The following PABPC1L2B variants were observed in gnomAD, a reference collection of about 807,000 sequenced individuals.
The protein encoded by PABPC1L2B is poly(A) binding protein cytoplasmic 1 like 2B, also known as polyadenylate-binding protein 1-like 2.
For synonymous variants in PABPC1L2B, 7 were observed against 7.1 expected, an observed-to-expected ratio of 0.99 and a Z score of 0.02; for missense variants, 5 against 16.4, an observed-to-expected ratio of 0.30 and a Z score of 1.20.
chrX:73,005,273 GTGCGTGCGTGTGTGCA>G lies in PABPC1L2B; in HGVS notation c.*1035_*1050del, dbSNP rs1182860035. 3.3e-5 allele frequency: 4 copies of G among 122,062 alleles called. No individual in the cohort carries two copies. Among genetic ancestry groups the G allele is most frequent in the African/African-American group, 1.3e-4 (4 of 30,342 alleles). The allele number at this position is 122,062 out of a possible 1,213,427, so 10.1% of individuals were successfully genotyped here. ...TCACTGTAATTGATCGTGTGTGTGCGTGCGTGCGTGTGTGCATGCGTGTGTGTGTCTTTGTGTGTGT... is the reference window on the plus strand; with the variant it reads ...TCACTGTAATTGATCGTGTGTGTGCGTGCGTGTGTGTGTCTTTGTGTGTGT... On this transcript the variant is annotated 3_prime_UTR_variant, in exon 1 of 1. Transcript: ENST00000373521.
chrX:73,003,614 G>A lies in PABPC1L2B; in HGVS notation c.-29G>A, dbSNP rs1556364109. 9.7e-6 allele frequency: 3 copies of A among 309,373 alleles called. No individual in the cohort carries two copies. Among genetic ancestry groups the A allele is most frequent in the Non-Finnish European group, 9.0e-6 (2 of 221,166 alleles). 25.5% of individuals were successfully genotyped at this position (309,373 alleles called of 1,213,427 possible). On this transcript the variant is annotated 5_prime_UTR_variant, in exon 1 of 1. It adds an upstream start codon to the 5' untranslated region. Coordinates refer to ENST00000373521, the MANE Select transcript of PABPC1L2B (RefSeq NM_001042506.2). ...GATGCAGATGCGGATGAGACCCTCG[G>A]TGACTGTGAGGGGAACCCAGATTTT...
rs1371767669 is a variant in PABPC1L2B at position 73,005,972 on chromosome X, C to G, written c.*1727C>G. ...AAAGATATGGGAGGTTTAAAATCTT[C>G]TTTTTCCCTTCTTTAGTAAGTGACC... On this transcript the variant is annotated 3_prime_UTR_variant, in exon 1 of 1. Coordinates refer to ENST00000373521, the MANE Select transcript of PABPC1L2B (RefSeq NM_001042506.2). Among the ~76,000 whole-genome samples, 1 of 111,572 alleles carries G rather than the reference C, an allele frequency of 9.0e-6. No homozygotes were observed. Among genetic ancestry groups the G allele is most frequent in the Non-Finnish European group, 1.9e-5 (1 of 53,111 alleles).
rs2055185802 is a variant in PABPC1L2B at position 73,005,802 on chromosome X, A to T, written c.*1557A>T. On this transcript the variant is annotated 3_prime_UTR_variant, in exon 1 of 1. Coordinates refer to ENST00000373521, the MANE Select transcript of PABPC1L2B (RefSeq NM_001042506.2). The stretch of plus-strand genomic sequence containing the variant: ...ATATTAGATATAGATATAGGGATAT[A>T]TTTGTTTTAAGTAGTTATTGGACGT... 8.2e-6 allele frequency: 1 copy of T among 121,293 alleles called. No individual in the cohort carries two copies. The highest frequency in any genetic ancestry group is 4.1e-3 in the Middle Eastern group (1 of 241). 10.0% of individuals were successfully genotyped at this position (121,293 alleles called of 1,213,427 possible). A position where few individuals can be genotyped will look rare whatever the true frequency, so the allele number is the denominator to read the frequency against.
Position 73,003,514 on chromosome X carries a change from G to C in PABPC1L2B, c.-129G>C. Reference sequence around the variant, plus strand: ...CTTGGGGGAGGCGGAGGCGGATGCGGATGCGGATGCGGATGCGAATGCGAA... The same window carrying C: ...CTTGGGGGAGGCGGAGGCGGATGCGCATGCGGATGCGGATGCGAATGCGAA... On this transcript the variant is annotated 5_prime_UTR_variant, in exon 1 of 1. Coordinates refer to ENST00000373521, the MANE Select transcript of PABPC1L2B (RefSeq NM_001042506.2). The C allele has an allele frequency of 1.3e-6, 1 of 785,814 alleles. No individual in the cohort carries two copies. The highest frequency in any genetic ancestry group is 1.6e-6 in the Non-Finnish European group (1 of 629,804). The allele number at this position is 785,814 out of a possible 1,213,427, so 64.8% of individuals were successfully genotyped here.
rs1304295888 is a variant in PABPC1L2B at position 73,005,839 on chromosome X, C to A, written c.*1594C>A. On this transcript the variant is annotated 3_prime_UTR_variant, in exon 1 of 1. Coordinates refer to ENST00000373521, the MANE Select transcript of PABPC1L2B (RefSeq NM_001042506.2). The stretch of plus-strand genomic sequence containing the variant: ...TAGTTATTGGACGTCTGGGTTGTTT[C>A]ATTTTGTTTTCTTATGCAAGCCAAA... 1 of 118,458 alleles carries A rather than the reference C, an allele frequency of 8.4e-6. No individual in the cohort carries two copies. The highest frequency in any genetic ancestry group is 1.9e-5 in the Non-Finnish European group (1 of 53,183). The allele number at this position is 118,458 out of a possible 1,213,427, so 9.8% of individuals were successfully genotyped here. A position where few individuals can be genotyped will look rare whatever the true frequency, so the allele number is the denominator to read the frequency against.
chrX:73,006,080 C>G lies in PABPC1L2B; in HGVS notation c.*1835C>G, dbSNP rs1202715580. ...CTGGATACCTGTACAGTTTTTGAGA[C>G]TTGGTATTAAATTATTTATAATTTG... On this transcript the variant is annotated 3_prime_UTR_variant, in exon 1 of 1. Coordinates refer to ENST00000373521, the MANE Select transcript of PABPC1L2B (RefSeq NM_001042506.2). Among the ~76,000 whole-genome samples, 1 of 111,414 alleles carries G rather than the reference C, an allele frequency of 9.0e-6. No individual in the cohort carries two copies. Among genetic ancestry groups the G allele is most frequent in the African/African-American group, 3.3e-5 (1 of 30,703 alleles).
chrX:73,005,936 T>A lies in PABPC1L2B; in HGVS notation c.*1691T>A, dbSNP rs2055186330. Among the ~76,000 whole-genome samples, 1 of 111,920 alleles carries A rather than the reference T, an allele frequency of 8.9e-6. No homozygotes were observed. Among genetic ancestry groups the A allele is most frequent in the African/African-American group, 3.2e-5 (1 of 30,851 alleles). On this transcript the variant is annotated 3_prime_UTR_variant, in exon 1 of 1. Coordinates refer to ENST00000373521, the MANE Select transcript of PABPC1L2B (RefSeq NM_001042506.2). Reference sequence around the variant, plus strand: ...TCCTGAACAAAAGTTAATAGTATAATTGAAGGATGAAAAGATATGGGAGGT... The same window carrying A: ...TCCTGAACAAAAGTTAATAGTATAAATGAAGGATGAAAAGATATGGGAGGT...
rs1174546766 is a variant in PABPC1L2B, at chrX:73,006,015, C to A, written c.*1770C>A. Among the ~76,000 whole-genome samples the A allele has an allele frequency of 9.0e-6, 1 of 111,374 alleles. No individual in the cohort carries two copies. Among genetic ancestry groups the A allele is most frequent in the African/African-American group, 3.3e-5 (1 of 30,691 alleles). On this transcript the variant is annotated 3_prime_UTR_variant, in exon 1 of 1. Coordinates refer to ENST00000373521, the MANE Select transcript of PABPC1L2B (RefSeq NM_001042506.2). ...AAGTGACCATTGATAAAGATAGTAC[C>A]AATTTACCCTCATAAAATATGCAGA...
At position 73,005,577 on chromosome X, in the gene PABPC1L2B, T is replaced by A. The variant is rs997940325; in HGVS notation, c.*1332T>A. On this transcript the variant is annotated 3_prime_UTR_variant, in exon 1 of 1. Transcript: ENST00000373521. Reference sequence around the variant, plus strand: ...CATTTTCATCTGTATCTGCCCTGTATTTTTCATGTGATATATATGTGAAAT... The same window carrying A: ...CATTTTCATCTGTATCTGCCCTGTAATTTTCATGTGATATATATGTGAAAT... 8 of 123,298 alleles carry A rather than the reference T, an allele frequency of 6.5e-5. No individual in the cohort carries two copies. Among genetic ancestry groups the A allele is most frequent in the African/African-American group, 2.6e-4 (8 of 30,797 alleles). The allele number at this position is 123,298 out of a possible 1,213,427, so 10.2% of individuals were successfully genotyped here.
rs1556364762 is a variant in PABPC1L2B at position 73,005,977 on chromosome X, T to A, written c.*1732T>A. On this transcript the variant is annotated 3_prime_UTR_variant, in exon 1 of 1. Transcript: ENST00000373521. ...TATGGGAGGTTTAAAATCTTCTTTT[T>A]CCCTTCTTTAGTAAGTGACCATTGA... 1.8e-5 allele frequency among the ~76,000 whole-genome samples: 2 copies of A among 111,726 alleles called. No homozygotes were observed.
At position 73,003,532 on chromosome X, in the gene PABPC1L2B, A is replaced by ATGCGAAGGTGGCGGCCGAGGATGCGG. The variant is rs1556364082; in HGVS notation, c.-111_-110insTGCGAAGGTGGCGGCCGAGGATGCGG. ...GGATGCGGATGCGGATGCGGATGCG[A>ATGCGAAGGTGGCGGCCGAGGATGCGG]ATGCGAAGGTGGCGGCCGAGGTGGC... On this transcript the variant is annotated 5_prime_UTR_variant, in exon 1 of 1. In the 5' UTR this introduces an upstream ATG that the reference lacks. Coordinates refer to ENST00000373521, the MANE Select transcript of PABPC1L2B (RefSeq NM_001042506.2). 1.3e-6 allele frequency: 1 copy of ATGCGAAGGTGGCGGCCGAGGATGCGG among 782,131 alleles called. No homozygotes were observed. The highest frequency in any genetic ancestry group is 1.6e-6 in the Non-Finnish European group (1 of 628,386). The allele number at this position is 782,131 out of a possible 1,213,427, so 64.5% of individuals were successfully genotyped here.
chrX:73,005,763 A>G lies in PABPC1L2B; in HGVS notation c.*1518A>G, dbSNP rs192662485. The G allele has an allele frequency of 8.2e-6, 1 of 122,117 alleles. No individual in the cohort carries two copies. The highest frequency in any genetic ancestry group is 2.8e-4 in the East Asian group (1 of 3,562). The allele number at this position is 122,117 out of a possible 1,213,427, so 10.1% of individuals were successfully genotyped here. A position where few individuals can be genotyped will look rare whatever the true frequency, so the allele number is the denominator to read the frequency against. ...ATATGTGATTGGGCTTCATAGAGTGATAGATATATATACATATTAGATATA... is the reference window on the plus strand; with the variant it reads ...ATATGTGATTGGGCTTCATAGAGTGGTAGATATATATACATATTAGATATA... On this transcript the variant is annotated 3_prime_UTR_variant, in exon 1 of 1. Transcript: ENST00000373521.
rs1556364729 is a variant in PABPC1L2B at position 73,005,831 on chromosome X, G to A, written c.*1586G>A. On this transcript the variant is annotated 3_prime_UTR_variant, in exon 1 of 1. Coordinates refer to ENST00000373521, the MANE Select transcript of PABPC1L2B (RefSeq NM_001042506.2). ...GTTTTAAGTAGTTATTGGACGTCTG[G>A]GTTGTTTCATTTTGTTTTCTTATGC... 8.4e-6 allele frequency: 1 copy of A among 118,739 alleles called. No homozygotes were observed. Among genetic ancestry groups the A allele is most frequent in the African/African-American group, 3.3e-5 (1 of 30,718 alleles). The allele number at this position is 118,739 out of a possible 1,213,427, so 9.8% of individuals were successfully genotyped here.
In PABPC1L2B at chrX:73,006,069, A is replaced by G. The variant is rs1458725268; in HGVS notation, c.*1824A>G. On this transcript the variant is annotated 3_prime_UTR_variant, in exon 1 of 1. Transcript: ENST00000373521. Reference sequence around the variant, plus strand: ...TGTGAGTGTACCTGGATACCTGTACAGTTTTTGAGACTTGGTATTAAATTA... The same window carrying G: ...TGTGAGTGTACCTGGATACCTGTACGGTTTTTGAGACTTGGTATTAAATTA... 8.9e-6 allele frequency among the ~76,000 whole-genome samples: 1 copy of G among 111,846 alleles called. No individual in the cohort carries two copies. The highest frequency in any genetic ancestry group is 3.2e-5 in the African/African-American group (1 of 30,826).
rs2055184481 is a variant in PABPC1L2B at position 73,005,580 on chromosome X, T to C, written c.*1335T>C. 8.1e-6 allele frequency: 1 copy of C among 123,318 alleles called. No individual in the cohort carries two copies. The highest frequency in any genetic ancestry group is 1.9e-5 in the Non-Finnish European group (1 of 53,338). 10.2% of individuals were successfully genotyped at this position (123,318 alleles called of 1,213,427 possible). ...TTTCATCTGTATCTGCCCTGTATTT[T>C]TCATGTGATATATATGTGAAATTAT... On this transcript the variant is annotated 3_prime_UTR_variant, in exon 1 of 1. Transcript: ENST00000373521.
chrX:73,003,879 G>A lies in PABPC1L2B; in HGVS notation c.237G>A (p.Gln79=). The part of the protein sequence containing the change: ...KGRPVRIMWS[Q]RDPSLRKSGV... ...GGCCAGTGCGCATCATGTGGTCCCA[G>A]AGGGACCCGTCGCTCCGCAAGAGCG... The change falls in exon 1 of 1, where the codon CAG becomes CAA. Residue 79 remains glutamine, a synonymous_variant. Transcript: ENST00000373521. 1 of 218,429 alleles carries A rather than the reference G, an allele frequency of 4.6e-6. No homozygotes were observed. The highest frequency in any genetic ancestry group is 6.9e-6 in the Non-Finnish European group (1 of 144,357). The allele number at this position is 218,429 out of a possible 1,213,427, so 18.0% of individuals were successfully genotyped here.
rs1479280831 is a variant in PABPC1L2B, at chrX:73,005,409, C to A, written c.*1164C>A. ...TGTTTATTACCCCCTTCCCCTGTGC[C>A]CACTTCCTGTCCTTTTCCCTGTTGT... is the stretch of plus-strand genomic sequence containing the variant. On this transcript the variant is annotated 3_prime_UTR_variant, in exon 1 of 1. Coordinates refer to ENST00000373521, the MANE Select transcript of PABPC1L2B (RefSeq NM_001042506.2). 1.6e-5 allele frequency: 2 copies of A among 122,653 alleles called. No individual in the cohort carries two copies. Among genetic ancestry groups the A allele is most frequent in the Non-Finnish European group, 3.8e-5 (2 of 53,219 alleles). 10.1% of individuals were successfully genotyped at this position (122,653 alleles called of 1,213,427 possible).
Sources: allele counts gnomAD v4.1 joint callset (sites outside exome capture counted in the v4.1 genomes callset), GRCh38; gene constraint gnomAD v4.1.1; transcripts MANE v1.5; gene names NCBI Gene and HGNC (gene_info 2026-07-23, HGNC 2026-07-21).